Variants in CEP63 observed in about 807,000 individuals in gnomAD.
The protein encoded by CEP63 is centrosomal protein 63, also known as centrosomal protein of 63 kDa.
CEP63 carries 84 observed loss-of-function variants against 89.1 expected under a neutral mutation model. The observed-to-expected ratio is 0.94, with a 90% CI of 0.79 to 1.13. The LOEUF (loss-of-function observed/expected upper bound fraction) is 1.13, where lower values mean the gene tolerates loss of function less well. Ranked by LOEUF, CEP63 falls within the 50% of genes most tolerant of loss-of-function variation. The pLI is 0.00. For synonymous variants in CEP63, 267 were observed against 272.5 expected, an observed-to-expected ratio of 0.98 and a Z score of 0.20; for missense variants, 838 against 813.3, an observed-to-expected ratio of 1.03 and a Z score of -0.37.
intron 10 of CEP63, among the ~76,000 whole-genome samples, chr3:134,585,085 T>C (rs1233062711): frequency 6.6e-6 from 1 of 151,938 alleles, no homozygotes; most frequent in Non-Finnish European, 1.5e-5. Flanking sequence ...TCTCTTCTTC[T>C]TTATTAGTCT....
intron 7 of CEP63, 23 bp from the exon 8 acceptor site, chr3:134,546,126 A>C: frequency 6.2e-7 from 1 of 1,612,458 alleles, no homozygotes; most frequent in African/African-American, 1.3e-5. Flanking sequence ...GGAAAATTAT[A>C]ATCATATTTG....
At chr3:134,687,725 T>A in the CEP63 span, among the ~76,000 whole-genome samples, 2 of 151,404 alleles carry the variant, frequency 1.3e-5, no homozygotes, top group African/African-American at 4.9e-5. Context: ...CCACAGAGAG[T>A]AGAATAATCA....
intron 10 of CEP63, 42 bp from the exon 11 acceptor site, chr3:134,550,021 T>C (rs1954457202): frequency 7.1e-7 from 1 of 1,405,008 alleles, no homozygotes; most frequent in African/African-American, 1.4e-5. Context: ...ATCTAAATGC[T>C]TTCTCTTAAC....
chr3:134,511,441 A>G (rs1210727681), intron 3 of CEP63: 5 of 153,874 alleles, frequency 3.2e-5, no homozygotes, highest in Admixed American at 2.0e-4. Flanking sequence ...ACTTCTTTCA[A>G]GTATGTGTTA....
the CEP63 span, among the ~76,000 whole-genome samples, chr3:134,700,470 C>G: frequency 6.6e-6 from 1 of 152,178 alleles, no homozygotes; most frequent in Non-Finnish European, 1.5e-5. Flanking sequence ...CACCCCTCCT[C>G]AGTCACAATT....
chr3:134,546,201 ATC>A lies in CEP63; in HGVS notation c.845_846del (p.Leu282HisfsTer3). 6.2e-7 allele frequency: 1 copy of A among 1,613,936 alleles called. No individual in the cohort carries two copies. Among genetic ancestry groups the A allele is most frequent in the Non-Finnish European group, 8.5e-7 (1 of 1,179,914 alleles). On this transcript the variant is annotated frameshift_variant, in exon 8 of 15. Coordinates refer to ENST00000675561, the MANE Select transcript of CEP63 (RefSeq NM_001353108.3). LOFTEE classifies it high-confidence loss of function. ...AAGGCAGCTCTTCAGTCTCAAGAAA[ATC>A]TCATACATGAGGCCAGAATACAAAA...
At chr3:134,618,467 C>T in the CEP63 span, among the ~76,000 whole-genome samples, 22 of 152,142 alleles carry the variant, frequency 1.4e-4, no homozygotes, top group Non-Finnish European at 3.1e-4. Context: ...TGACTGTTTT[C>T]TGGAGGAACC....
At chr3:134,780,201 CT>C in the CEP63 span, among the ~76,000 whole-genome samples, 1 of 152,154 alleles carries the variant, frequency 6.6e-6, no homozygotes, top group Non-Finnish European at 1.5e-5. Flanking sequence ...TTCATAGTTA[CT>C]TGTATCTGAA....
the CEP63 span, among the ~76,000 whole-genome samples, chr3:134,765,067 A>G: frequency 2.0e-5 from 3 of 152,190 alleles, no homozygotes; most frequent in South Asian, 6.2e-4. Flanking sequence ...CCCACCCCCA[A>G]AGTTTCTGAT....
the CEP63 span, among the ~76,000 whole-genome samples, chr3:134,739,429 A>G: frequency 6.6e-6 from 1 of 152,206 alleles, no homozygotes; most frequent in Non-Finnish European, 1.5e-5. Context: ...CCAGCAATCA[A>G]GAAACTCTTA....
the CEP63 span, among the ~76,000 whole-genome samples, chr3:134,639,045 G>A: frequency 1.6e-4 from 2 of 12,642 alleles, no homozygotes; most frequent in Non-Finnish European, 3.8e-4. Context: ...CACATTTACA[G>A]CCTTTTTTTT....
the CEP63 span, among the ~76,000 whole-genome samples, chr3:134,764,757 A>G: frequency 6.6e-6 from 1 of 152,236 alleles, no homozygotes; most frequent in Non-Finnish European, 1.5e-5. Flanking sequence ...TCTCATCTGC[A>G]GTGACATCTT....
intron 3 of CEP63, among the ~76,000 whole-genome samples, chr3:134,520,151 A>AT (rs1217258790): frequency 6.6e-6 from 1 of 152,216 alleles, no homozygotes; most frequent in Non-Finnish European, 1.5e-5. Context: ...CACTGCAGTA[A>AT]TTAGCACATG....
At chr3:134,551,367 A>G (rs1251285803) in intron 11 of CEP63, among the ~76,000 whole-genome samples, 1 of 152,118 alleles carries the variant, frequency 6.6e-6, no homozygotes, top group African/African-American at 2.4e-5. Context: ...ATTTAGTGTA[A>G]AAAAGATGTT....
chr3:134,643,976 G>A, the CEP63 span, among the ~76,000 whole-genome samples: 17 of 152,078 alleles, frequency 1.1e-4, no homozygotes, highest in East Asian at 5.8e-4. Context: ...ACAGGTGCCC[G>A]CCACCACACT....
At chr3:134,696,811 C>T in the CEP63 span, among the ~76,000 whole-genome samples, 1 of 152,156 alleles carries the variant, frequency 6.6e-6, no homozygotes, top group African/African-American at 2.4e-5. Context: ...TACAATATTC[C>T]ATCATGATAT....
rs1396901497 is a variant in CEP63 at position 134,558,187 on chromosome 3, G to A, written c.1513G>A (p.Ala505Thr). The change falls in exon 13 of 15, where the codon GCA becomes ACA. Residue 505 changes from alanine (A) to threonine (T), a missense_variant. Transcript: ENST00000675561. ...AGACCTCCAGGAGAATTATATTGAGGCATTAAATAAATTAGTGTCTGAAAA... is the reference window on the plus strand; with the variant it reads ...AGACCTCCAGGAGAATTATATTGAGACATTAAATAAATTAGTGTCTGAAAA... ...LADLQENYIE[A>T]LNKLVSENQQ... 2.5e-6 allele frequency: 4 copies of A among 1,613,586 alleles called. No homozygotes were observed. The highest frequency in any genetic ancestry group is 3.4e-6 in the Non-Finnish European group (4 of 1,179,670).
At chr3:134,654,724 C>T in the CEP63 span, among the ~76,000 whole-genome samples, 2 of 152,198 alleles carry the variant, frequency 1.3e-5, no homozygotes, top group Non-Finnish European at 2.9e-5. Context: ...CTGGCAAGTA[C>T]AGTTTAAGCA....
chr3:134,681,994 G>T, the CEP63 span, among the ~76,000 whole-genome samples: 1 of 152,212 alleles, frequency 6.6e-6, no homozygotes, highest in Non-Finnish European at 1.5e-5. Context: ...CATCTGAAGA[G>T]TTTGTGCCTC....
Sources: gnomAD v4.1 joint callset for allele counts (sites outside exome capture counted in the v4.1 genomes callset) on GRCh38, gnomAD v4.1.1 for gene constraint, MANE v1.5 for transcripts, NCBI Gene and HGNC (gene_info 2026-07-23, HGNC 2026-07-21) for gene names.